BCR: variants seen among roughly 807,000 people sequenced by gnomAD.
BCR encodes the protein BCR activator of RhoGEF and GTPase.
A neutral mutation model predicts 138.6 loss-of-function variants in BCR; 58 were observed. That is an observed-to-expected ratio of 0.42 (90% CI 0.34 to 0.52). BCR has a LOEUF of 0.52. Ranked by LOEUF, BCR falls within the 20% of genes least tolerant of loss-of-function variation. The pLI, the probability that BCR is intolerant of heterozygous loss-of-function variation, is 0.06. For synonymous variants in BCR, 786 were observed against 730.1 expected, an observed-to-expected ratio of 1.08 and a Z score of -1.23; for missense variants, 1,599 against 1,727.2, an observed-to-expected ratio of 0.93 and a Z score of 1.32.
chr22:23,205,750 C>T (rs1041112872), intron 1 of BCR, among the ~76,000 whole-genome samples: 1 of 151,590 alleles, frequency 6.6e-6, no homozygotes, highest in African/African-American at 2.4e-5. Context: ...GAGGCAAAAT[C>T]GATGCTACTT....
chr22:23,192,261 C>G (rs1326407568), intron 1 of BCR, among the ~76,000 whole-genome samples: 1 of 152,220 alleles, frequency 6.6e-6, no homozygotes, highest in Admixed American at 6.5e-5. Context: ...CCTGGAGTAA[C>G]CTGCCCAAGG....
chr22:23,284,934 GT>G (rs1294079391), intron 9 of BCR, 98 bp from the exon 10 acceptor site: 1 of 1,363,268 alleles, frequency 7.3e-7, no homozygotes, highest in Non-Finnish European at 1.0e-6. Flanking sequence ...GGTAAACCAT[GT>G]ATGGCCGAGA....
At chr22:23,204,181 A>G (rs1348731464) in intron 1 of BCR, among the ~76,000 whole-genome samples, 1 of 152,142 alleles carries the variant, frequency 6.6e-6, no homozygotes, top group Non-Finnish European at 1.5e-5. Flanking sequence ...GCTCACAACT[A>G]GGAGCCAGCA....
chr22:23,248,444 T>G lies in BCR; in HGVS notation c.1280-5355T>G, dbSNP rs184833203. On this transcript the variant is annotated intron_variant, in intron 1 of 22. Transcript: ENST00000305877. ...TGTTTAATTTTTTGAAAGATTTTTTTTTTTGAACCAGTGTAGTCTAGGGGA... is the reference window on the plus strand; with the variant it reads ...TGTTTAATTTTTTGAAAGATTTTTTGTTTTGAACCAGTGTAGTCTAGGGGA... Among the ~76,000 whole-genome samples, 35 of 152,314 alleles carry G rather than the reference T, an allele frequency of 2.3e-4. 1 individual carries two copies. In the East Asian group the frequency reaches 6.7e-3, roughly 29 times the overall value.
intron 1 of BCR, among the ~76,000 whole-genome samples, chr22:23,222,828 G>T (rs1362102179): frequency 6.6e-6 from 1 of 152,208 alleles, no homozygotes; most frequent in East Asian, 1.9e-4. Context: ...TTCTGATAAA[G>T]ACTAACAAGG....
rs2072239667 is a variant in BCR, at chr22:23,180,907, C to T, written c.-54C>T. ...CCGGGCTGGCGAGGCGCCGCGCCGC[C>T]GCTGAGACGGGCCCCGCGCGCAGCC... On this transcript the variant is annotated 5_prime_UTR_variant, in exon 1 of 23. Coordinates refer to ENST00000305877, the MANE Select transcript of BCR (RefSeq NM_004327.4). 9.7e-7 allele frequency: 1 copy of T among 1,031,054 alleles called. No homozygotes were observed. Among genetic ancestry groups the T allele is most frequent in the Non-Finnish European group, 1.2e-6 (1 of 858,576 alleles). The allele number at this position is 1,031,054 out of a possible 1,614,324, so 63.9% of individuals were successfully genotyped here. A position where few individuals can be genotyped will look rare whatever the true frequency, so the allele number is the denominator to read the frequency against.
chr22:23,248,875 G>C (rs934941317), intron 1 of BCR, among the ~76,000 whole-genome samples: 4 of 152,222 alleles, frequency 2.6e-5, no homozygotes, highest in African/African-American at 9.7e-5. Flanking sequence ...GCGGCCCAGA[G>C]AGGTTTTTCC....
chr22:23,309,902 A>G (rs887702238), intron 17 of BCR: 4 of 320,874 alleles, frequency 1.2e-5, no homozygotes, highest in African/African-American at 2.1e-5. Context: ...TTTTTCTTAC[A>G]TTATTCTGTC....
chr22:23,239,565 G>A (rs973057179), intron 1 of BCR, among the ~76,000 whole-genome samples: 2 of 152,190 alleles, frequency 1.3e-5, no homozygotes, highest in Non-Finnish European at 2.9e-5. Flanking sequence ...CTCCTGGCAT[G>A]TGGGCAGCTC....
chr22:23,272,767 G>A (rs571326124), intron 6 of BCR, among the ~76,000 whole-genome samples: 10 of 152,258 alleles, frequency 6.6e-5, no homozygotes, highest in East Asian at 5.8e-4. Context: ...ACCCCAGCCC[G>A]TCCTTGCCAG....
intron 1 of BCR, among the ~76,000 whole-genome samples, chr22:23,237,004 T>G (rs2073034015): frequency 6.6e-6 from 1 of 152,204 alleles, no homozygotes; most frequent in South Asian, 2.1e-4. Flanking sequence ...CCAGAAGAAG[T>G]GCCAGGCTCA....
At chr22:23,269,918 T>C (rs1380282045) in intron 5 of BCR, among the ~76,000 whole-genome samples, 4 of 151,986 alleles carry the variant, frequency 2.6e-5, no homozygotes, top group Non-Finnish European at 5.9e-5. Flanking sequence ...GATCACGTGG[T>C]GCCACCAACC....
intron 8 of BCR, among the ~76,000 whole-genome samples, chr22:23,274,907 CAAAAAA>C (rs758602402): frequency 2.4e-5 from 2 of 84,040 alleles, no homozygotes; most frequent in East Asian, 6.6e-4. Context: ...AACTCCATCT[CAAAAAA>C]AAAAAAAAAA....
At chr22:23,226,876 G>A (rs2156921) in intron 1 of BCR, among the ~76,000 whole-genome samples, 91,636 of 152,004 alleles carry the variant, frequency 0.6, 28,374 homozygotes, top group African/African-American at 0.75. Flanking sequence ...GGTCCCCTCA[G>A]TTGCACCTGA....
chr22:23,198,478 T>A (rs935573416), intron 1 of BCR: 8 of 333,176 alleles, frequency 2.4e-5, no homozygotes, highest in Admixed American at 4.7e-5. Context: ...TGATATGGCT[T>A]TGCAGGGGTC....
intron 1 of BCR, 33 bp from the exon 2 acceptor site, chr22:23,253,766 T>A: frequency 6.3e-7 from 1 of 1,585,116 alleles, no homozygotes; most frequent in Non-Finnish European, 8.6e-7. Flanking sequence ...CCCTTCTCTG[T>A]CTCTAACACA....
At chr22:23,222,476 T>C (rs1358962378) in intron 1 of BCR, among the ~76,000 whole-genome samples, 1 of 152,310 alleles carries the variant, frequency 6.6e-6, no homozygotes, top group Middle Eastern at 3.4e-3. Flanking sequence ...GCACAAGTGC[T>C]AAGTGCTGAG....
At chr22:23,272,979 C>A in intron 6 of BCR, 102 bp from the exon 7 acceptor site, 2 of 1,301,080 alleles carry the variant, frequency 1.5e-6, no homozygotes, top group Non-Finnish European at 1.1e-6. Context: ...CCTGTGGAGG[C>A]TGGGGCAGCC....
chr22:23,288,529 C>T (rs901179193), intron 12 of BCR, among the ~76,000 whole-genome samples: 1 of 152,082 alleles, frequency 6.6e-6, no homozygotes, highest in Non-Finnish European at 1.5e-5. Flanking sequence ...CCGGCCTGCC[C>T]CCTAGTCCTT....
Sources: gnomAD v4.1 joint callset for allele counts (sites outside exome capture counted in the v4.1 genomes callset) on GRCh38, gnomAD v4.1.1 for gene constraint, MANE v1.5 for transcripts, NCBI Gene and HGNC (gene_info 2026-07-23, HGNC 2026-07-21) for gene names.